SHB: variants seen among roughly 807,000 people sequenced by gnomAD.
The protein encoded by SHB is SH2 domain-containing adapter protein B.
A neutral mutation model predicts 52.3 loss-of-function variants in SHB; 20 were observed. The ratio of observed to expected loss-of-function variants is 0.38; its 90% CI spans 0.27 to 0.56. The LOEUF (loss-of-function observed/expected upper bound fraction) is 0.56. SHB is among the 20% of genes least tolerant of loss of function. The pLI is 0.71. For missense variants in SHB, 825 were observed against 723.3 expected (o/e 1.14, Z -1.61); for synonymous variants, 397 against 316.5 (o/e 1.25, Z -2.70).
chr9:38,038,473 C>T (rs991252563), intron 1 of SHB, among the ~76,000 whole-genome samples: 4 of 152,178 alleles, frequency 2.6e-5, no homozygotes, highest in Non-Finnish European at 5.9e-5. Flanking sequence ...TGGGACAGGG[C>T]CTATGTTCAC....
At chr9:37,974,225 C>CTGG (rs1820625649) in intron 3 of SHB, among the ~76,000 whole-genome samples, 1 of 152,152 alleles carries the variant, frequency 6.6e-6, no homozygotes, top group African/African-American at 2.4e-5. Context: ...CACTGCACTC[C>CTGG]AGCCTGGGCA....
intron 1 of SHB, among the ~76,000 whole-genome samples, chr9:38,017,061 G>A (rs958055912): frequency 6.6e-6 from 1 of 152,186 alleles, no homozygotes; most frequent in Non-Finnish European, 1.5e-5. Context: ...TCGATTGCAG[G>A]CTCCAATTAA....
At chr9:38,032,491 T>C (rs552989503) in intron 1 of SHB, among the ~76,000 whole-genome samples, 173 of 152,328 alleles carry the variant, frequency 1.1e-3, no homozygotes, top group Non-Finnish European at 1.7e-3. Flanking sequence ...CTTGGCTCAG[T>C]TGCGCCAACC....
chr9:37,970,183 T>C (rs1319170978), intron 3 of SHB, among the ~76,000 whole-genome samples: 4 of 152,178 alleles, frequency 2.6e-5, no homozygotes, highest in Admixed American at 6.5e-5. Flanking sequence ...AGTGGGGGTC[T>C]GGTGAGGCCA....
intron 1 of SHB, among the ~76,000 whole-genome samples, chr9:38,026,982 CT>C (rs1362749914): frequency 2.0e-5 from 3 of 152,224 alleles, no homozygotes; most frequent in African/African-American, 7.2e-5. Flanking sequence ...TTCAGTTCAC[CT>C]CCCCAAGGCA....
rs1242412103 is a variant in SHB at position 37,916,778 on chromosome 9, T to G, written c.*3043A>C. 6.6e-6 allele frequency among the ~76,000 whole-genome samples: 1 copy of G among 152,160 alleles called. No homozygotes were observed. Among genetic ancestry groups the G allele is most frequent in the African/African-American group, 2.4e-5 (1 of 41,450 alleles). ...GGCCCTCTTCCCCTACAAAGCCTCCTTTCTTTCTGTGGGCGCCATCCTGTT... is the reference window on the plus strand; with the variant it reads ...GGCCCTCTTCCCCTACAAAGCCTCCGTTCTTTCTGTGGGCGCCATCCTGTT... On this transcript the variant is annotated 3_prime_UTR_variant, in exon 6 of 6. Coordinates refer to ENST00000377707, the MANE Select transcript of SHB (RefSeq NM_003028.3).
At chr9:38,054,799 C>G (rs1821794080) in intron 1 of SHB, among the ~76,000 whole-genome samples, 2 of 152,102 alleles carry the variant, frequency 1.3e-5, no homozygotes, top group African/African-American at 4.8e-5. Flanking sequence ...CCTGTGAATA[C>G]CAGGTGCTCA....
At chr9:38,016,446 G>A (rs536554036) in intron 1 of SHB, among the ~76,000 whole-genome samples, 66 of 152,350 alleles carry the variant, frequency 4.3e-4, no homozygotes, top group South Asian at 2.3e-3. Flanking sequence ...CGAGAACCTG[G>A]AGGGCATCCT....
intron 2 of SHB, among the ~76,000 whole-genome samples, chr9:37,983,991 C>T (rs1215531522): frequency 6.6e-6 from 1 of 152,220 alleles, no homozygotes; most frequent in Non-Finnish European, 1.5e-5. Flanking sequence ...TGAATCCTGG[C>T]TCCAACAGGT....
chr9:37,974,202 G>A (rs1377193543), intron 3 of SHB, among the ~76,000 whole-genome samples: 1 of 152,144 alleles, frequency 6.6e-6, no homozygotes, highest in Non-Finnish European at 1.5e-5. Flanking sequence ...GTTGCGGTGA[G>A]CCGAGATCGC....
chr9:38,061,744 G>A (rs1398131365), intron 1 of SHB, among the ~76,000 whole-genome samples: 1 of 152,198 alleles, frequency 6.6e-6, no homozygotes, highest in Non-Finnish European at 1.5e-5. Context: ...TCTCCTTCAA[G>A]GAAACTTAAG....
chr9:38,010,259 A>G (rs1821122330), intron 2 of SHB, among the ~76,000 whole-genome samples: 1 of 152,242 alleles, frequency 6.6e-6, no homozygotes, highest in Non-Finnish European at 1.5e-5. Flanking sequence ...TACTTGGAGC[A>G]GTGCCTGGCA....
intron 5 of SHB, among the ~76,000 whole-genome samples, chr9:37,929,334 C>T (rs1438579902): frequency 3.3e-5 from 5 of 152,340 alleles, no homozygotes; most frequent in East Asian, 1.9e-4. Flanking sequence ...ATAAGCATGA[C>T]GTGAAACAGG....
intron 2 of SHB, among the ~76,000 whole-genome samples, chr9:38,011,281 A>T (rs1178478540): frequency 6.6e-6 from 1 of 152,254 alleles, no homozygotes; most frequent in Non-Finnish European, 1.5e-5. Flanking sequence ...GCATGAAGGG[A>T]ACCCAGAAAC....
In SHB at chr9:37,999,561, G is replaced by C. The variant is rs962495247; in HGVS notation, c.838+16450C>G. Among the ~76,000 whole-genome samples the C allele has an allele frequency of 1.2e-4, 18 of 152,162 alleles. 1 individual carries two copies. Among genetic ancestry groups the C allele is most frequent in the Non-Finnish European group, 5.9e-5 (4 of 68,024 alleles). On this transcript the variant is annotated intron_variant, in intron 2 of 5. Transcript: ENST00000377707. ...CTAGTGTGACTTGAGCTCACAAACA[G>C]GTTTCTGGAGTGCTGAGTGGAAGCT...
intron 1 of SHB, among the ~76,000 whole-genome samples, chr9:38,020,589 G>A (rs182704767): frequency 3.3e-5 from 5 of 152,234 alleles, no homozygotes; most frequent in Non-Finnish European, 7.4e-5. Context: ...CCATCTCCAG[G>A]ATCTAAGACA....
Position 37,955,985 on chromosome 9 carries a change from C to G in SHB, c.1124G>C (p.Arg375Pro). ...AGGCTTAAAGCCCCCTCCAGGGGCA[C>G]GAAGCTGGCGCCGCCGGTCCCGCGA... ...SPSRDRRRQL[R>P]APGGGFKPIK... Residue 375 changes from arginine (R) to proline (P), a missense_variant, in exon 4 of 6, where the codon CGT becomes CCT. By Grantham distance (103) the Arg-to-Pro change is moderately radical. Coordinates refer to ENST00000377707, the MANE Select transcript of SHB (RefSeq NM_003028.3). 5 of 1,601,678 alleles carry G rather than the reference C, an allele frequency of 3.1e-6. No individual in the cohort carries two copies. The South Asian group carries it at 4.5e-5, about 14-fold the overall frequency.
chr9:38,046,816 T>C (rs1821658124), intron 1 of SHB, among the ~76,000 whole-genome samples: 1 of 152,186 alleles, frequency 6.6e-6, no homozygotes, highest in South Asian at 2.1e-4. Context: ...ACAGTAAAAA[T>C]CCCTTCGTCG....
chr9:37,995,116 C>G (rs548669397), intron 2 of SHB, among the ~76,000 whole-genome samples: 1 of 152,304 alleles, frequency 6.6e-6, no homozygotes, highest in South Asian at 2.1e-4. Flanking sequence ...GACAAGCTTC[C>G]TCACTCGAGA....
Sources: allele counts gnomAD v4.1 joint callset (sites outside exome capture counted in the v4.1 genomes callset), GRCh38; gene constraint gnomAD v4.1.1; transcripts MANE v1.5; gene names NCBI Gene and HGNC (gene_info 2026-07-23, HGNC 2026-07-21).